BMPER: variants seen among roughly 807,000 people sequenced by gnomAD.
BMPER encodes the protein BMP-binding endothelial regulator protein.
In BMPER, 45 loss-of-function variants were observed where a neutral mutation model predicts 87.3. The observed-to-expected ratio is 0.52, with a 90% CI of 0.41 to 0.66. BMPER has a LOEUF of 0.66. Among genes scored for constraint, BMPER ranks in the 30% least tolerant of loss-of-function variants. The pLI is 0.00. For missense variants in BMPER, 784 were observed against 867.5 expected (o/e 0.90, Z 1.21); for synonymous variants, 326 against 316.2 (o/e 1.03, Z -0.33).
intron 6 of BMPER, among the ~76,000 whole-genome samples, chr7:33,985,246 T>C (rs1785974130): frequency 6.6e-6 from 1 of 152,216 alleles, no homozygotes; most frequent in Non-Finnish European, 1.5e-5. Context: ...TCCTTCTAAC[T>C]TTTTTCCCTC....
intron 8 of BMPER, among the ~76,000 whole-genome samples, chr7:34,052,454 CA>C (rs1486703040): frequency 1.3e-5 from 2 of 152,176 alleles, no homozygotes; most frequent in Admixed American, 1.3e-4. Context: ...TCATTTTTCT[CA>C]AAAGGCAACC....
At chr7:34,132,978 T>C (rs1389472389) in intron 13 of BMPER, among the ~76,000 whole-genome samples, 1 of 152,054 alleles carries the variant, frequency 6.6e-6, no homozygotes, top group East Asian at 1.9e-4. Flanking sequence ...GGAAATCTTT[T>C]TTTTAAATTT....
chr7:34,020,644 G>A (rs1787154775), intron 6 of BMPER, among the ~76,000 whole-genome samples: 1 of 151,926 alleles, frequency 6.6e-6, no homozygotes, highest in Non-Finnish European at 1.5e-5. Context: ...TAAAACATAG[G>A]AGTAAAAGGC....
intron 6 of BMPER, among the ~76,000 whole-genome samples, chr7:34,026,793 C>G (rs1212468895): frequency 6.6e-6 from 1 of 152,014 alleles, no homozygotes; most frequent in Non-Finnish European, 1.5e-5. Flanking sequence ...CATTTTTTAC[C>G]CACACAACAG....
chr7:33,943,936 C>T (rs540556342), intron 3 of BMPER, among the ~76,000 whole-genome samples: 1 of 152,230 alleles, frequency 6.6e-6, no homozygotes, highest in South Asian at 2.1e-4. Flanking sequence ...AACTGAGTGC[C>T]ATCAATTGCT....
intron 6 of BMPER, among the ~76,000 whole-genome samples, chr7:33,990,785 G>C (rs1786188342): frequency 8.3e-6 from 1 of 119,850 alleles, no homozygotes; most frequent in Non-Finnish European, 1.7e-5. Context: ...TTTGAAATAT[G>C]TCCCATCAAT....
chr7:34,133,201 T>C (rs1443326227), intron 13 of BMPER, among the ~76,000 whole-genome samples: 1 of 152,052 alleles, frequency 6.6e-6, no homozygotes, highest in Admixed American at 6.5e-5. Flanking sequence ...GAACCAACCA[T>C]GTAATTAGAG....
chr7:33,981,437 TTGTTC>T (rs1785856654), intron 6 of BMPER, among the ~76,000 whole-genome samples: 1 of 152,204 alleles, frequency 6.6e-6, no homozygotes, highest in Non-Finnish European at 1.5e-5. Flanking sequence ...TTAGGGAAGC[TTGTTC>T]TGATTCCCAA....
chr7:33,913,917 G>T (rs1784025122), intron 2 of BMPER, among the ~76,000 whole-genome samples: 1 of 151,810 alleles, frequency 6.6e-6, no homozygotes, highest in South Asian at 2.1e-4. Context: ...ATTCAGTCTG[G>T]TAGGTACGTT....
At chr7:34,063,907 A>G (rs1339758695) in intron 11 of BMPER, among the ~76,000 whole-genome samples, 2 of 152,246 alleles carry the variant, frequency 1.3e-5, no homozygotes, top group Non-Finnish European at 2.9e-5. Context: ...TTTCCAGTTA[A>G]CTCTTTCAAT....
At chr7:33,920,957 C>G (rs1031265140) in intron 2 of BMPER, among the ~76,000 whole-genome samples, 2 of 152,158 alleles carry the variant, frequency 1.3e-5, no homozygotes, top group Non-Finnish European at 2.9e-5. Flanking sequence ...GGAACTTTTA[C>G]ACAATTATCT....
chr7:34,063,291 A>G (rs1452363663), intron 11 of BMPER, among the ~76,000 whole-genome samples: 3 of 152,146 alleles, frequency 2.0e-5, no homozygotes, highest in Non-Finnish European at 4.4e-5. Context: ...AATTCTCTAA[A>G]ATAGAGTTGA....
At chr7:33,928,451 T>C (rs1163908778) in intron 2 of BMPER, among the ~76,000 whole-genome samples, 1 of 152,060 alleles carries the variant, frequency 6.6e-6, no homozygotes, top group African/African-American at 2.4e-5. Flanking sequence ...TTTGGGCTAC[T>C]ATTTTTATTT....
At chr7:34,074,850 C>T (rs1046234692) in intron 11 of BMPER, among the ~76,000 whole-genome samples, 8 of 152,158 alleles carry the variant, frequency 5.3e-5, no homozygotes, top group East Asian at 1.9e-4. Context: ...ACAGAATTAT[C>T]GTAACTATGT....
chr7:34,113,334 T>TA (rs200665066), intron 13 of BMPER, among the ~76,000 whole-genome samples: 3,461 of 152,146 alleles, frequency 0.023, 29 homozygotes, highest in African/African-American at 0.034. Flanking sequence ...AAGTGTTACC[T>TA]TTTTTGGTAG....
intron 4 of BMPER, among the ~76,000 whole-genome samples, chr7:33,970,043 G>C (rs1283060168): frequency 6.6e-6 from 1 of 152,202 alleles, no homozygotes; most frequent in Non-Finnish European, 1.5e-5. Flanking sequence ...CTTACTGACA[G>C]CAAGAAGGTC....
chr7:34,058,652 G>T (rs1262601517), intron 10 of BMPER, among the ~76,000 whole-genome samples: 1 of 152,146 alleles, frequency 6.6e-6, no homozygotes, highest in Non-Finnish European at 1.5e-5. Flanking sequence ...GGCCTCCATT[G>T]TAGCCCCAAA....
intron 10 of BMPER, 112 bp downstream of exon 10, chr7:34,058,275 A>G (rs939545868): frequency 7.0e-6 from 7 of 997,320 alleles, no homozygotes; most frequent in Non-Finnish European, 9.3e-6. Flanking sequence ...CAAAGCCTCT[A>G]CATTCCTGAC....
intron 6 of BMPER, among the ~76,000 whole-genome samples, chr7:34,016,558 C>G (rs1001712211): frequency 6.6e-6 from 1 of 151,896 alleles, no homozygotes; most frequent in Admixed American, 6.6e-5. Flanking sequence ...ATTTTAAGAT[C>G]ACACCTGCAA....
Sources: gnomAD v4.1 joint callset for allele counts (sites outside exome capture counted in the v4.1 genomes callset) on GRCh38, gnomAD v4.1.1 for gene constraint, MANE v1.5 for transcripts, NCBI Gene and HGNC (gene_info 2026-07-23, HGNC 2026-07-21) for gene names.